CNBD1: variants seen among roughly 807,000 people sequenced by gnomAD.
CNBD1 encodes cyclic nucleotide-binding domain-containing protein 1.
CNBD1 carries 71 observed loss-of-function variants against 54.4 expected under a neutral mutation model. That is an observed-to-expected ratio of 1.30 (90% CI 1.08 to 1.59). The LOEUF is 1.59. Ranked by LOEUF, CNBD1 falls within the 40% of genes most tolerant of loss-of-function variation. The pLI is 0.00. For synonymous variants in CNBD1, 182 were observed against 170.7 expected, an observed-to-expected ratio of 1.07 and a Z score of -0.51; for missense variants, 659 against 518.0, an observed-to-expected ratio of 1.27 and a Z score of -2.64.
chr8:87,371,953 C>T (rs1810815200), intron 10 of CNBD1, among the ~76,000 whole-genome samples: 1 of 151,850 alleles, frequency 6.6e-6, no homozygotes, highest in Non-Finnish European at 1.5e-5. Flanking sequence ...TCTCTCACCA[C>T]TCCTATTCAA....
At chr8:87,302,716 T>C (rs942441366) in intron 8 of CNBD1, among the ~76,000 whole-genome samples, 2 of 151,950 alleles carry the variant, frequency 1.3e-5, no homozygotes, top group Admixed American at 6.6e-5. Context: ...GCTGATGACA[T>C]GATTGTATAT....
At chr8:87,040,419 TTTTC>T (rs1810040157) in intron 4 of CNBD1, among the ~76,000 whole-genome samples, 1 of 141,134 alleles carries the variant, frequency 7.1e-6, no homozygotes, top group Admixed American at 7.2e-5. Context: ...AATGAATTCT[TTTTC>T]TTTTTTTTTT....
chr8:87,221,557 A>G (rs1814339909), intron 5 of CNBD1, among the ~76,000 whole-genome samples: 1 of 152,114 alleles, frequency 6.6e-6, no homozygotes, highest in South Asian at 2.1e-4. Context: ...TTTTTCATAA[A>G]GTCATTCCAT....
chr8:86,955,565 G>A (rs1783391794), intron 4 of CNBD1, among the ~76,000 whole-genome samples: 1 of 152,150 alleles, frequency 6.6e-6, no homozygotes, highest in Non-Finnish European at 1.5e-5. Context: ...GTTTTGATTT[G>A]CATTTCTCTA....
At chr8:87,137,834 G>C (rs1042081003) in intron 4 of CNBD1, among the ~76,000 whole-genome samples, 4 of 152,110 alleles carry the variant, frequency 2.6e-5, no homozygotes, top group African/African-American at 7.2e-5. Flanking sequence ...GAGAAGCTAT[G>C]AAATAATAAG....
chr8:86,882,357 C>CA (rs1442302341), intron 1 of CNBD1, among the ~76,000 whole-genome samples: 2 of 151,946 alleles, frequency 1.3e-5, no homozygotes, highest in South Asian at 2.1e-4. Flanking sequence ...AAAAAGTGGG[C>CA]AAAGGACATG....
chr8:87,405,088 G>T (rs1302371727), intron 2 of CNBD1, among the ~76,000 whole-genome samples: 1 of 152,010 alleles, frequency 6.6e-6, no homozygotes, highest in African/African-American at 2.4e-5. Flanking sequence ...CATTTGGAAA[G>T]AAAATAAGTG....
intron 4 of CNBD1, among the ~76,000 whole-genome samples, chr8:86,953,040 G>A (rs886647784): frequency 6.6e-6 from 1 of 152,122 alleles, no homozygotes; most frequent in African/African-American, 2.4e-5. Flanking sequence ...TTTGGATCTT[G>A]ATCCATGTTG....
intron 8 of CNBD1, among the ~76,000 whole-genome samples, chr8:87,349,808 C>T (rs1433662134): frequency 6.6e-6 from 1 of 152,152 alleles, no homozygotes; most frequent in Non-Finnish European, 1.5e-5. Context: ...TTCGAGTAGC[C>T]AGTTCCCCCT....
chr8:87,414,891 C>T (rs1410817714), intron 2 of CNBD1, among the ~76,000 whole-genome samples: 1 of 152,020 alleles, frequency 6.6e-6, no homozygotes, highest in Non-Finnish European at 1.5e-5. Flanking sequence ...AAACACAGAG[C>T]TTCACAGGCA....
At chr8:87,126,927 G>T (rs1812001313) in intron 4 of CNBD1, among the ~76,000 whole-genome samples, 1 of 151,696 alleles carries the variant, frequency 6.6e-6, no homozygotes, top group South Asian at 2.1e-4. Context: ...TTGCATCTTT[G>T]TAGAAAATTT....
intron 4 of CNBD1, among the ~76,000 whole-genome samples, chr8:86,992,720 A>G (rs1445834726): frequency 1.3e-5 from 2 of 152,028 alleles, no homozygotes; most frequent in Non-Finnish European, 2.9e-5. Flanking sequence ...TCCTTCACTT[A>G]TGAAACTTAC....
intron 4 of CNBD1, among the ~76,000 whole-genome samples, chr8:86,994,876 T>G (rs1808834446): frequency 6.6e-6 from 1 of 152,158 alleles, no homozygotes; most frequent in Non-Finnish European, 1.5e-5. Flanking sequence ...ATAAGCCACA[T>G]GCTTTGATAA....
chr8:86,902,961 A>G (rs1335221638), intron 2 of CNBD1, among the ~76,000 whole-genome samples: 1 of 152,112 alleles, frequency 6.6e-6, no homozygotes, highest in Non-Finnish European at 1.5e-5. Flanking sequence ...ACACACAGAC[A>G]TATGTTGTTG....
At chr8:87,422,044 C>T (rs1807948880) in intron 2 of CNBD1, among the ~76,000 whole-genome samples, 1 of 147,652 alleles carries the variant, frequency 6.8e-6, no homozygotes, top group Middle Eastern at 3.5e-3. Context: ...AGCATTTCTT[C>T]ATGTGTTTTT....
intron 2 of CNBD1, among the ~76,000 whole-genome samples, chr8:86,900,312 G>GT (rs1460639436): frequency 6.6e-6 from 1 of 152,052 alleles, no homozygotes; most frequent in East Asian, 1.9e-4. Context: ...CATGATAAAA[G>GT]TTTTTCCTGA....
chr8:87,383,063 A>T (rs930155659), downstream of CNBD1, among the ~76,000 whole-genome samples: 1 of 152,076 alleles, frequency 6.6e-6, no homozygotes. Flanking sequence ...TATAAAGCAT[A>T]TGTAAAAGGC....
At chr8:87,100,080 A>G (rs1811398753) in intron 4 of CNBD1, among the ~76,000 whole-genome samples, 1 of 152,182 alleles carries the variant, frequency 6.6e-6, no homozygotes, top group Non-Finnish European at 1.5e-5. Context: ...GGCAAGTGTG[A>G]ACAGTGATCT....
At chr8:87,364,317 A>G (rs1307270257) in intron 10 of CNBD1, among the ~76,000 whole-genome samples, 2 of 151,760 alleles carry the variant, frequency 1.3e-5, no homozygotes, top group Non-Finnish European at 2.9e-5. Flanking sequence ...TAGCCTGACA[A>G]TATGTGTTTG....
Sources: allele counts gnomAD v4.1 joint callset (sites outside exome capture counted in the v4.1 genomes callset), GRCh38; gene constraint gnomAD v4.1.1; transcripts MANE v1.5; gene names NCBI Gene and HGNC (gene_info 2026-07-23, HGNC 2026-07-21).